Variants in RGS3 observed in about 807,000 individuals in gnomAD.
RGS3 encodes regulator of G protein signaling 3.
In RGS3, 80 loss-of-function variants were observed where a neutral mutation model predicts 132.6. The observed-to-expected ratio is 0.60, with a 90% CI of 0.50 to 0.73. The LOEUF (loss-of-function observed/expected upper bound fraction) is 0.73. RGS3 is among the 30% of genes least tolerant of loss of function. The pLI is 0.00. For synonymous variants in RGS3, 598 were observed against 620.6 expected, an observed-to-expected ratio of 0.96 and a Z score of 0.54; for missense variants, 1,382 against 1,530.8, an observed-to-expected ratio of 0.90 and a Z score of 1.62.
chr9:113,449,666 G>A (rs1829195230), intron 1 of RGS3, among the ~76,000 whole-genome samples: 1 of 152,094 alleles, frequency 6.6e-6, no homozygotes, highest in African/African-American at 2.4e-5. Flanking sequence ...GGATAACTGT[G>A]GTTATTCATG....
chr9:113,478,201 C>T (rs7859047), intron 3 of RGS3, among the ~76,000 whole-genome samples: 13,911 of 152,114 alleles, frequency 0.091, 717 homozygotes, highest in African/African-American at 0.097. Context: ...CTTTACATGT[C>T]CCCTCCCTCC....
In RGS3 at chr9:113,463,999, C is replaced by A; in HGVS notation, c.415+1798C>A. The A allele has an allele frequency of 9.6e-7, 1 of 1,044,688 alleles. No homozygotes were observed. The highest frequency in any genetic ancestry group is 1.4e-6 in the Non-Finnish European group (1 of 717,136). The allele number at this position is 1,044,688 out of a possible 1,614,324, so 64.7% of individuals were successfully genotyped here. On this transcript the variant is annotated intron_variant, in intron 3 of 24. Transcript: ENST00000350696. This position sits in a 1 kb window ranked among gnomAD's most constrained non-coding sequence, Gnocchi z 4.6. ...AGCAGGTGCTCTTTCTATCTAGGGG[C>A]ACCTTCTCTGGCCCCTTTCTCCTGT...
chr9:113,500,551 T>A (rs1830841199), intron 10 of RGS3, among the ~76,000 whole-genome samples: 1 of 149,482 alleles, frequency 6.7e-6, no homozygotes, highest in Non-Finnish European at 1.5e-5. Context: ...CAGGCCTCAG[T>A]TTGTTTGTCA....
intron 1 of RGS3, among the ~76,000 whole-genome samples, chr9:113,452,942 ATATT>A (rs1432748043): frequency 3.0e-5 from 4 of 135,266 alleles, no homozygotes; most frequent in Admixed American, 1.6e-4. Context: ...TAAATAAAAT[ATATT>A]TATATATGAT....
chr9:113,497,159 G>A (rs12345968), intron 8 of RGS3, among the ~76,000 whole-genome samples, 155 bp from the exon 7 acceptor site: 13,185 of 152,218 alleles, frequency 0.087, 661 homozygotes, highest in Non-Finnish European at 0.097. Context: ...GCTTCCTGGA[G>A]GTGCAGGCAT....
At chr9:113,468,352 A>G (rs909327926) in intron 3 of RGS3, among the ~76,000 whole-genome samples, 1 of 152,182 alleles carries the variant, frequency 6.6e-6, no homozygotes, top group Admixed American at 6.5e-5. Context: ...CTGAAAATCA[A>G]TTGCCCATAA....
chr9:113,562,476 C>CAAAAA (rs1184135248), intron 19 of RGS3, among the ~76,000 whole-genome samples: 1 of 68,530 alleles, frequency 1.5e-5, no homozygotes, highest in Non-Finnish European at 3.0e-5. Flanking sequence ...GACTCTGTCT[C>CAAAAA]AAAAAAAAAA....
chr9:113,577,155 C>T (rs1200811549), intron 19 of RGS3, among the ~76,000 whole-genome samples: 4 of 151,926 alleles, frequency 2.6e-5, no homozygotes, highest in South Asian at 2.1e-4. Context: ...GGCTAATTCT[C>T]GTATTTTTAG....
At chr9:113,539,441 C>T (rs2118635750) in intron 19 of RGS3, among the ~76,000 whole-genome samples, 1 of 152,314 alleles carries the variant, frequency 6.6e-6, no homozygotes, top group East Asian at 1.9e-4. Flanking sequence ...TCCCGAGTAG[C>T]TGGTACCACA....
At chr9:113,480,458 C>CAA (rs755925249) in intron 4 of RGS3, among the ~76,000 whole-genome samples, 4,256 of 65,702 alleles carry the variant, frequency 0.065, 121 homozygotes, top group African/African-American at 0.099. Context: ...GACTCCGTCT[C>CAA]AAAAAAAAAA....
chr9:113,561,886 T>C (rs1383036906), intron 19 of RGS3, among the ~76,000 whole-genome samples: 2 of 152,224 alleles, frequency 1.3e-5, no homozygotes, highest in African/African-American at 2.4e-5. Flanking sequence ...AGACTTGGGC[T>C]CTGCTTGGGG....
rs1243142940 is a variant in RGS3 at position 113,514,668 on chromosome 9, T to TGGTCTTAAA, written c.1674+18_1674+26dup. On this transcript the variant is annotated intron_variant, in intron 15 of 24. Transcript: ENST00000350696. ...GTCTTTGTTCAGGTGAGCCCGTGGC[T>TGGTCTTAAA]GGTCTTAAAGGTTCCCTCAGGAGGA... is the stretch of plus-strand genomic sequence containing the variant. 1.2e-6 allele frequency: 2 copies of TGGTCTTAAA among 1,612,120 alleles called. No individual in the cohort carries two copies. Among genetic ancestry groups the TGGTCTTAAA allele is most frequent in the African/African-American group, 2.7e-5 (2 of 75,002 alleles).
At chr9:113,560,560 G>A (rs984252850) in intron 19 of RGS3, among the ~76,000 whole-genome samples, 1 of 152,156 alleles carries the variant, frequency 6.6e-6, no homozygotes, top group African/African-American at 2.4e-5. Flanking sequence ...GGGCTGCTCC[G>A]GCCAGCTCTG....
intron 14 of RGS3, among the ~76,000 whole-genome samples, chr9:113,509,140 C>T (rs1831286629): frequency 1.3e-5 from 2 of 151,956 alleles, no homozygotes; most frequent in Admixed American, 1.3e-4. Flanking sequence ...AAAATCACTA[C>T]TGGGCGTGGT....
At chr9:113,445,214 T>TTTTTTTG (rs1829076126) in intron 1 of RGS3, among the ~76,000 whole-genome samples, 1 of 152,070 alleles carries the variant, frequency 6.6e-6, no homozygotes. Context: ...TTTTGTTTTT[T>TTTTTTTG]GAGACAGAGT....
intron 20 of RGS3, 138 bp downstream of exon 18, chr9:113,584,565 A>G: frequency 1.0e-6 from 1 of 990,620 alleles, no homozygotes; most frequent in Non-Finnish European, 1.4e-6. Flanking sequence ...CACCTGTTGG[A>G]CAGAAGATAA....
rs1554779122 is a variant in RGS3 at position 113,565,913 on chromosome 9, G to GTCTGTC, written c.2038-17536_2038-17535insCTGTCT. ...TGTGTGTGTGTGTGTGTGTGTGTGT[G>GTCTGTC]TGTCTGTCTGTCTGTCTGTCTCAGG... On this transcript the variant is annotated intron_variant, in intron 19 of 24. Transcript: ENST00000350696. The surrounding 1 kb of genome is among the most constrained non-coding windows in gnomAD (Gnocchi z 5.7). Among the ~76,000 whole-genome samples, 12 of 144,516 alleles carry GTCTGTC rather than the reference G, an allele frequency of 8.3e-5. No individual in the cohort carries two copies. Among genetic ancestry groups the GTCTGTC allele is most frequent in the African/African-American group, 2.9e-4 (11 of 38,556 alleles). 94.8% of individuals were successfully genotyped at this position (144,516 alleles called of 152,430 possible).
chr9:113,454,813 C>G (rs1348552481), intron 1 of RGS3, among the ~76,000 whole-genome samples: 1 of 151,530 alleles, frequency 6.6e-6, no homozygotes, highest in East Asian at 1.9e-4. Flanking sequence ...GAAGGTCTTT[C>G]CACTCTGGTT....
intron 18 of RGS3, among the ~76,000 whole-genome samples, chr9:113,535,713 G>A (rs1832649715): frequency 6.7e-6 from 1 of 148,806 alleles, no homozygotes; most frequent in Non-Finnish European, 1.5e-5. Context: ...TAGAAACACT[G>A]TCTTTTTTTT....
Sources: gnomAD v4.1 joint callset for allele counts (sites outside exome capture counted in the v4.1 genomes callset) on GRCh38, gnomAD v4.1.1 for gene constraint, Gnocchi (gnomAD v3.1) non-coding constraint, MANE v1.5 for transcripts, NCBI Gene and HGNC (gene_info 2026-07-23, HGNC 2026-07-21) for gene names.